The following PDE1C variants were observed in gnomAD, a reference collection of about 807,000 sequenced individuals.
PDE1C encodes the protein phosphodiesterase 1C.
PDE1C carries 62 observed loss-of-function variants against 93.1 expected under a neutral mutation model. The ratio of observed to expected loss-of-function variants is 0.67; its 90% CI spans 0.54 to 0.82. PDE1C has a LOEUF of 0.82. Ranked by LOEUF, PDE1C falls within the 40% of genes least tolerant of loss-of-function variation. The pLI is 0.00. For missense variants in PDE1C, 742 were observed against 884.6 expected, an observed-to-expected ratio of 0.84 and a Z score of 2.04; for synonymous variants, 325 against 310.1, an observed-to-expected ratio of 1.05 and a Z score of -0.50.
chr7:32,139,808 G>A (rs1049604487), intron 3 of PDE1C, among the ~76,000 whole-genome samples: 4 of 152,144 alleles, frequency 2.6e-5, no homozygotes, highest in African/African-American at 9.7e-5. Flanking sequence ...CCTCCTTAAC[G>A]AAGACACTGG....
At chr7:31,662,535 TGTGTATGTGTCTGTGTTGTATAA>T in the PDE1C span, among the ~76,000 whole-genome samples, 170 of 152,220 alleles carry the variant, frequency 1.1e-3, no homozygotes, top group Non-Finnish European at 1.8e-3. Flanking sequence ...TGTCTAAGTG[TGTGTATGTGTCTGTGTTGTATAA>T]GTGTATGTGT....
At chr7:31,766,653 C>T (rs1705795528) in intron 17 of PDE1C, among the ~76,000 whole-genome samples, 1 of 152,154 alleles carries the variant, frequency 6.6e-6, no homozygotes, top group African/African-American at 2.4e-5. Flanking sequence ...GAAATTATTG[C>T]ATTTGTATCC....
the PDE1C span, among the ~76,000 whole-genome samples, chr7:31,696,474 T>G: frequency 2.6e-5 from 4 of 152,212 alleles, no homozygotes; most frequent in Non-Finnish European, 4.4e-5. Context: ...TTTAGAGAGT[T>G]ACTCAATAAT....
rs1218296926 is a variant in PDE1C, at chr7:31,870,951, TTAGTATACTTTTATGCTAA to T, written c.609+2322_609+2340del. ...ATGGTATTAGTATAAAATAGTATTT[TTAGTATACTTTTATGCTAA>T]TAGTATATTTTTATACTATTAGTAT... On this transcript the variant is annotated intron_variant, in intron 6 of 17. Coordinates refer to ENST00000396191, the MANE Select transcript of PDE1C (RefSeq NM_001191057.4). 1.1e-4 allele frequency among the ~76,000 whole-genome samples: 16 copies of T among 151,492 alleles called. No individual in the cohort carries two copies. The East Asian group carries it at 2.3e-3, about 22-fold the overall frequency.
At chr7:32,388,816 T>C (rs1585138103) in intron 1 of PDE1C, among the ~76,000 whole-genome samples, 3 of 151,066 alleles carry the variant, frequency 2.0e-5, no homozygotes, top group Middle Eastern at 6.8e-3. Flanking sequence ...CTGGGTAGAA[T>C]AGGACCCAAA....
At chr7:32,096,530 C>A (rs1338373785) in intron 3 of PDE1C, among the ~76,000 whole-genome samples, 2 of 152,080 alleles carry the variant, frequency 1.3e-5, no homozygotes, top group Admixed American at 1.3e-4. Context: ...TTAGGTATAC[C>A]TGGGTTCAAA....
chr7:32,260,972 T>C (rs942197099), intron 1 of PDE1C, among the ~76,000 whole-genome samples: 5 of 152,160 alleles, frequency 3.3e-5, no homozygotes, highest in African/African-American at 1.2e-4. Context: ...TAGCTGGGCA[T>C]GATGGCAGGT....
At position 32,113,696 on chromosome 7, in the gene PDE1C, G is replaced by A. The variant is rs879340442; in HGVS notation, c.308+56089C>T. Among the ~76,000 whole-genome samples the A allele has an allele frequency of 1.6e-4, 24 of 151,930 alleles. 1 individual carries two copies. The highest frequency in any genetic ancestry group is 4.8e-4 in the African/African-American group (20 of 41,370). ...TTGAGAAATGAGATTGGCAGTAGTC[G>A]TTTTTCCCTACTCAGATGGTATATT... is the stretch of plus-strand genomic sequence containing the variant. On this transcript the variant is annotated intron_variant, in intron 3 of 18. Coordinates refer to the PDE1C transcript ENST00000396193.
intron 7 of PDE1C, among the ~76,000 whole-genome samples, chr7:31,859,927 A>T (rs1794474279): frequency 6.6e-6 from 1 of 152,172 alleles, no homozygotes; most frequent in Non-Finnish European, 1.5e-5. Context: ...AATTTTAGTC[A>T]TAGAAATCTA....
At position 32,209,421 on chromosome 7, in the gene PDE1C, G is replaced by C. The variant is rs903602759; in HGVS notation, c.136+68C>G. ...ACAGAATTGAAGAGCTATACCGCAT[G>C]GGGGAAAGATCTCTGGAGAACATTT... On this transcript the variant is annotated intron_variant, in intron 2 of 18. Transcript: ENST00000396193. The C allele has an allele frequency of 3.1e-6, 4 of 1,276,416 alleles. No individual in the cohort carries two copies. The African/African-American group carries it at 6.1e-5, about 19-fold the overall frequency. The allele number at this position is 1,276,416 out of a possible 1,614,324, so 79.1% of individuals were successfully genotyped here.
At chr7:31,643,697 C>T in the PDE1C span, 1 of 1,614,024 alleles carries the variant, frequency 6.2e-7, no homozygotes, top group Non-Finnish European at 8.5e-7. Context: ...ACACATGGGC[C>T]CCAGCCCCTC....
At chr7:32,269,255 G>T (rs79578813) in intron 1 of PDE1C, among the ~76,000 whole-genome samples, 17,799 of 152,086 alleles carry the variant, frequency 0.12, 1,186 homozygotes, top group African/African-American at 0.16. Context: ...TCTGAGCCAG[G>T]GGGGGTGAGA....
At chr7:31,766,916 T>C (rs1209593920) in intron 17 of PDE1C, among the ~76,000 whole-genome samples, 1 of 152,228 alleles carries the variant, frequency 6.6e-6, no homozygotes, top group Admixed American at 6.5e-5. Context: ...ATAGAATTTC[T>C]TTTACTATGC....
chr7:32,299,268 G>C, exon 1 of PDE1C: 3 of 987,082 alleles, frequency 3.0e-6, no homozygotes, highest in Non-Finnish European at 3.6e-6. Context: ...CACATCAACA[G>C]ATGGAAAGGC....
At chr7:31,755,576 A>AC (rs200928307) in intron 17 of PDE1C, among the ~76,000 whole-genome samples, 2,206 of 152,000 alleles carry the variant, frequency 0.015, 60 homozygotes, top group African/African-American at 0.05. Flanking sequence ...AGTGTTCAAA[A>AC]AAAACAAAAC....
chr7:31,637,624 T>C, the PDE1C span, among the ~76,000 whole-genome samples: 1 of 152,202 alleles, frequency 6.6e-6, no homozygotes, highest in Non-Finnish European at 1.5e-5. Flanking sequence ...TCATTGTAGA[T>C]TCTGGATATT....
intron 1 of PDE1C, among the ~76,000 whole-genome samples, chr7:32,258,797 A>G (rs775866361): frequency 3.7e-4 from 57 of 152,198 alleles, no homozygotes; most frequent in Admixed American, 1.0e-3. Flanking sequence ...CTTTTACCCA[A>G]GGGTATCTTT....
chr7:32,181,827 C>T (rs1803457351), intron 2 of PDE1C, among the ~76,000 whole-genome samples: 1 of 152,018 alleles, frequency 6.6e-6, no homozygotes, highest in African/African-American at 2.4e-5. Context: ...AATAGAGACA[C>T]AAAAAATCCT....
chr7:32,365,868 C>G (rs1784221180), intron 1 of PDE1C, among the ~76,000 whole-genome samples: 1 of 151,964 alleles, frequency 6.6e-6, no homozygotes, highest in Non-Finnish European at 1.5e-5. Context: ...CTGTGTCCAC[C>G]CAGAACAAAA....
Sources: gnomAD v4.1 joint callset for allele counts (sites outside exome capture counted in the v4.1 genomes callset) on GRCh38, gnomAD v4.1.1 for gene constraint, MANE v1.5 for transcripts, NCBI Gene and HGNC (gene_info 2026-07-23, HGNC 2026-07-21) for gene names.